CA10: variants seen among roughly 807,000 people sequenced by gnomAD.
CA10 encodes carbonic anhydrase-related protein 10.
In CA10, 14 loss-of-function variants were observed where a neutral mutation model predicts 44.2. The ratio of observed to expected loss-of-function variants is 0.32; its 90% CI spans 0.21 to 0.50. The LOEUF (loss-of-function observed/expected upper bound fraction) is 0.50. Among genes scored for constraint, CA10 ranks in the 20% least tolerant of loss-of-function variants. The pLI is 0.99. For synonymous variants in CA10, 159 were observed against 141.6 expected (o/e 1.12, Z -0.87); for missense variants, 350 against 409.7 (o/e 0.85, Z 1.26).
chr17:51,847,505 A>G lies in CA10; in HGVS notation c.279+83485T>C, dbSNP rs76285776. On this transcript the variant is annotated intron_variant, in intron 3 of 8. Transcript: ENST00000451037. ...TTTTTCAATATCATGGTCACTTGGG[A>G]TATGATAATAACGCATATCATCTAA... Among the ~76,000 whole-genome samples the G allele has an allele frequency of 1.3e-4, 20 of 152,220 alleles. No individual in the cohort carries two copies. In the East Asian group the frequency reaches 3.1e-3, roughly 24 times the overall value.
intron 2 of CA10, among the ~76,000 whole-genome samples, chr17:52,048,063 T>G (rs1403119777): frequency 2.0e-5 from 3 of 151,640 alleles, no homozygotes; most frequent in Non-Finnish European, 4.4e-5. Flanking sequence ...AAAAAACATT[T>G]GTTTTTGGTT....
In CA10 at chr17:51,870,421, T is replaced by C. The variant is rs111873782; in HGVS notation, c.279+60569A>G. Reference sequence around the variant, plus strand: ...TAATGTGAACCTCCTATGGCTGTGCTGTCATCAAAACACTGGGTCAAATCA... The same window carrying C: ...TAATGTGAACCTCCTATGGCTGTGCCGTCATCAAAACACTGGGTCAAATCA... On this transcript the variant is annotated intron_variant, in intron 3 of 8. Transcript: ENST00000451037. 7.4e-3 allele frequency among the ~76,000 whole-genome samples: 1,121 copies of C among 152,376 alleles called. 6 individuals are homozygous for C. Among genetic ancestry groups the C allele is most frequent in the Middle Eastern group, 0.031 (9 of 294 alleles).
chr17:51,959,161 C>T (rs1308847708), intron 2 of CA10, among the ~76,000 whole-genome samples: 1 of 151,462 alleles, frequency 6.6e-6, no homozygotes, highest in Non-Finnish European at 1.5e-5. Context: ...AAGCCTTAGA[C>T]TAGTGAAAGC....
At chr17:51,949,289 CTTT>C (rs1403523230) in intron 2 of CA10, among the ~76,000 whole-genome samples, 1 of 152,038 alleles carries the variant, frequency 6.6e-6, no homozygotes, top group African/African-American at 2.4e-5. Flanking sequence ...TAAAATTTAA[CTTT>C]TTAACTAAAT....
At chr17:51,852,960 A>C (rs574556094) in intron 3 of CA10, among the ~76,000 whole-genome samples, 7 of 152,282 alleles carry the variant, frequency 4.6e-5, no homozygotes, top group African/African-American at 1.4e-4. Flanking sequence ...AGAAATGTTT[A>C]ATTTAGAAAC....
chr17:51,958,235 T>G (rs1983741371), intron 2 of CA10, among the ~76,000 whole-genome samples: 1 of 149,740 alleles, frequency 6.7e-6, no homozygotes, highest in Admixed American at 6.7e-5. Flanking sequence ...CATGTAAGTA[T>G]GATTCTACTG....
chr17:51,937,643 G>T (rs1210515025), intron 2 of CA10, among the ~76,000 whole-genome samples: 1 of 152,110 alleles, frequency 6.6e-6, no homozygotes, highest in Non-Finnish European at 1.5e-5. Flanking sequence ...GACTGTATCT[G>T]ATGAACCAGG....
chr17:52,097,115 A>T (rs958291985), intron 1 of CA10, among the ~76,000 whole-genome samples: 3 of 151,910 alleles, frequency 2.0e-5, no homozygotes, highest in African/African-American at 7.2e-5. Flanking sequence ...TCCCATTTTT[A>T]AAAAATCTAG....
At chr17:52,055,408 T>A (rs1156818167) in intron 2 of CA10, among the ~76,000 whole-genome samples, 2 of 151,252 alleles carry the variant, frequency 1.3e-5, no homozygotes, top group Non-Finnish European at 2.9e-5. Context: ...TAAAGTGAAT[T>A]TAAATATATA....
intron 4 of CA10, among the ~76,000 whole-genome samples, chr17:51,663,535 CT>C (rs11286410): frequency 1 from 152,332 of 152,332 alleles, 76,166 homozygotes; most frequent in Non-Finnish European, 1. Flanking sequence ...GTCTTCTGGT[CT>C]TCTTTGAACT....
intron 4 of CA10, among the ~76,000 whole-genome samples, chr17:51,687,611 C>T (rs1334673259): frequency 1.3e-5 from 2 of 152,112 alleles, no homozygotes; most frequent in Non-Finnish European, 2.9e-5. Flanking sequence ...GTTTCCGGGT[C>T]AAGTTTTTGT....
At chr17:52,054,130 A>G (rs2907781) in intron 2 of CA10, among the ~76,000 whole-genome samples, 53,801 of 149,556 alleles carry the variant, frequency 0.36, 10,581 homozygotes, top group East Asian at 0.71. Context: ...CAGGCGGAAC[A>G]GAGTCATATT....
At chr17:51,754,402 T>TAG (rs1293412045) in intron 3 of CA10, among the ~76,000 whole-genome samples, 6 of 2,882 alleles carry the variant, frequency 2.1e-3, no homozygotes, top group African/African-American at 6.4e-3. Flanking sequence ...GTGTGTGTGA[T>TAG]ATATATATAT....
chr17:51,635,747 T>C (rs1375850731), intron 7 of CA10, 108 bp downstream of exon 7: 1 of 826,314 alleles, frequency 1.2e-6, no homozygotes, highest in Non-Finnish European at 1.8e-6. Context: ...TTTGTGGGAC[T>C]TTGTTATAGT....
At chr17:51,970,549 G>A (rs1411116337) in intron 2 of CA10, among the ~76,000 whole-genome samples, 1 of 152,056 alleles carries the variant, frequency 6.6e-6, no homozygotes, top group African/African-American at 2.4e-5. Flanking sequence ...TTATAGCAGA[G>A]CATAGATGTG....
intron 2 of CA10, among the ~76,000 whole-genome samples, chr17:52,016,182 C>T (rs1985962354): frequency 6.6e-6 from 1 of 152,116 alleles, no homozygotes; most frequent in Non-Finnish European, 1.5e-5. Context: ...AGAGCATCTC[C>T]ATGCAAAGCA....
chr17:52,142,592 T>C (rs1989506033), intron 1 of CA10, among the ~76,000 whole-genome samples: 1 of 152,114 alleles, frequency 6.6e-6, no homozygotes, highest in Admixed American at 6.6e-5. Context: ...GTTTAATATA[T>C]ATATAAAATT....
intron 4 of CA10, among the ~76,000 whole-genome samples, chr17:51,660,001 C>T (rs1913940586): frequency 6.6e-6 from 1 of 152,174 alleles, no homozygotes; most frequent in African/African-American, 2.4e-5. Context: ...TTCTGCATCT[C>T]ATAGAATCTT....
chr17:51,927,915 C>T (rs1194068038), intron 3 of CA10, among the ~76,000 whole-genome samples: 1 of 152,110 alleles, frequency 6.6e-6, no homozygotes, highest in Non-Finnish European at 1.5e-5. Context: ...TAGCTCCAAA[C>T]AATGTAGCAA....
Sources: allele counts gnomAD v4.1 joint callset (sites outside exome capture counted in the v4.1 genomes callset), GRCh38; gene constraint gnomAD v4.1.1; transcripts MANE v1.5; gene names NCBI Gene and HGNC (gene_info 2026-07-23, HGNC 2026-07-21).